The following EXOC4 variants were observed in gnomAD, a reference collection of about 807,000 sequenced individuals.
EXOC4 encodes exocyst complex component 4.
In EXOC4, 71 loss-of-function variants were observed where a neutral mutation model predicts 107.2. That is an observed-to-expected ratio of 0.66 (90% CI 0.55 to 0.81). EXOC4 has a LOEUF of 0.81. EXOC4 is among the 30% of genes least tolerant of loss of function. EXOC4 has a pLI of 0.00. For synonymous variants in EXOC4, 456 were observed against 441.2 expected (o/e 1.03, Z -0.42); for missense variants, 1,108 against 1,189.6 (o/e 0.93, Z 1.01).
chr7:133,464,117 C>T (rs1022653150), intron 7 of EXOC4, among the ~76,000 whole-genome samples: 1 of 152,072 alleles, frequency 6.6e-6, no homozygotes, highest in African/African-American at 2.4e-5. Context: ...ATGTACTAAG[C>T]ATTTTGTATG....
intron 8 of EXOC4, among the ~76,000 whole-genome samples, chr7:133,478,024 A>G (rs1442315401): frequency 6.6e-6 from 1 of 152,176 alleles, no homozygotes; most frequent in Non-Finnish European, 1.5e-5. Context: ...CCCAGATGGA[A>G]TCAGGGCTAT....
intron 9 of EXOC4, among the ~76,000 whole-genome samples, chr7:133,579,139 T>A (rs1801196110): frequency 6.6e-6 from 1 of 152,162 alleles, no homozygotes. Context: ...TGAATATTCA[T>A]GGTCAATTAA....
At chr7:134,072,799 A>G in the EXOC4 span, among the ~76,000 whole-genome samples, 1 of 152,180 alleles carries the variant, frequency 6.6e-6, no homozygotes, top group South Asian at 2.1e-4. Flanking sequence ...ATATATACAT[A>G]ACAAATAATA....
chr7:133,446,789 C>T (rs1044797346), intron 7 of EXOC4, among the ~76,000 whole-genome samples: 8 of 152,096 alleles, frequency 5.3e-5, no homozygotes, highest in Admixed American at 3.9e-4. Flanking sequence ...TAATAACTAC[C>T]GCTGCTTTTT....
chr7:133,578,164 A>T (rs905314952), intron 9 of EXOC4, among the ~76,000 whole-genome samples: 1 of 152,202 alleles, frequency 6.6e-6, no homozygotes, highest in African/African-American at 2.4e-5. Flanking sequence ...TTTCAGGAAG[A>T]GGAGATTATG....
At chr7:133,632,480 C>T (rs1276770534) in intron 10 of EXOC4, among the ~76,000 whole-genome samples, 2 of 152,318 alleles carry the variant, frequency 1.3e-5, no homozygotes, top group East Asian at 3.9e-4. Context: ...TTGTCAAAAA[C>T]TCCTGATTGG....
rs575997675 is a variant in EXOC4, at chr7:133,256,119, C to T, written c.86+2932C>T. Among the ~76,000 whole-genome samples, 9 of 152,080 alleles carry T rather than the reference C, an allele frequency of 5.9e-5. No homozygotes were observed. The East Asian group carries it at 1.7e-3, about 29-fold the overall frequency. On this transcript the variant is annotated intron_variant, in intron 1 of 17. Transcript: ENST00000253861. ...GCCTCAACCTCCCGAGTAGCTGGGA[C>T]TACAGGCATGCGCCACCATACCCGA... is the stretch of plus-strand genomic sequence containing the variant.
intron 10 of EXOC4, among the ~76,000 whole-genome samples, chr7:133,725,503 G>A (rs1384791508): frequency 6.6e-6 from 1 of 152,132 alleles, no homozygotes; most frequent in Non-Finnish European, 1.5e-5. Flanking sequence ...AGCCTCCCGA[G>A]TAGCTGGGAC....
At chr7:134,051,943 G>A (rs558352306) in intron 17 of EXOC4, among the ~76,000 whole-genome samples, 11 of 151,946 alleles carry the variant, frequency 7.2e-5, no homozygotes, top group South Asian at 6.2e-4. Flanking sequence ...CCGAGATCAC[G>A]CCACTGCACT....
At chr7:133,978,877 T>C (rs1793905335) in intron 14 of EXOC4, among the ~76,000 whole-genome samples, 1 of 152,188 alleles carries the variant, frequency 6.6e-6, no homozygotes, top group South Asian at 2.1e-4. Context: ...CCAAAACCCC[T>C]ACTGGCAAGA....
At chr7:133,567,012 C>G (rs1256375928) in intron 9 of EXOC4, among the ~76,000 whole-genome samples, 1 of 152,082 alleles carries the variant, frequency 6.6e-6, no homozygotes, top group Non-Finnish European at 1.5e-5. Flanking sequence ...TTTTTCTTCT[C>G]CTTTTTTAAC....
At chr7:133,792,553 C>CAAAA (rs56408972) in intron 10 of EXOC4, among the ~76,000 whole-genome samples, 7,574 of 67,456 alleles carry the variant, frequency 0.11, 208 homozygotes, top group African/African-American at 0.14. Context: ...ACCCTGTCTC[C>CAAAA]AAAAAAAAAA....
intron 17 of EXOC4, among the ~76,000 whole-genome samples, chr7:134,009,063 A>T (rs1794709950): frequency 6.6e-6 from 1 of 152,178 alleles, no homozygotes; most frequent in Admixed American, 6.6e-5. Flanking sequence ...CTTTAATAAA[A>T]GCTTAAGCAA....
chr7:133,866,540 T>A (rs1451704041), intron 11 of EXOC4, among the ~76,000 whole-genome samples: 1 of 152,184 alleles, frequency 6.6e-6, no homozygotes, highest in African/African-American at 2.4e-5. Context: ...GGGTAGCTAG[T>A]CATTGTAGGC....
chr7:133,552,364 A>C (rs1800607214), intron 9 of EXOC4, among the ~76,000 whole-genome samples: 1 of 152,186 alleles, frequency 6.6e-6, no homozygotes, highest in Non-Finnish European at 1.5e-5. Flanking sequence ...GAAATCATTG[A>C]AGATGTCTTT....
At chr7:134,074,494 C>T in the EXOC4 span, among the ~76,000 whole-genome samples, 8 of 152,216 alleles carry the variant, frequency 5.3e-5, no homozygotes, top group African/African-American at 9.7e-5. Flanking sequence ...CTCAATAACA[C>T]CTGTTGTGGA....
intron 9 of EXOC4, among the ~76,000 whole-genome samples, chr7:133,605,963 G>A (rs62470027): frequency 0.2 from 30,677 of 151,976 alleles, 3,391 homozygotes; most frequent in African/African-American, 0.26. Flanking sequence ...AATCAAGACA[G>A]TATAAGGTCC....
At chr7:134,039,525 A>G (rs1460161033) in intron 17 of EXOC4, among the ~76,000 whole-genome samples, 1 of 152,168 alleles carries the variant, frequency 6.6e-6, no homozygotes, top group Non-Finnish European at 1.5e-5. Context: ...CACACATACT[A>G]ATGCTGAAAT....
chr7:133,338,599 C>CA (rs35420911), intron 5 of EXOC4, among the ~76,000 whole-genome samples: 1,093 of 79,100 alleles, frequency 0.014, 39 homozygotes, highest in Middle Eastern at 0.033. Context: ...GACTCCGTCT[C>CA]AAAAAAAAAA....
Sources: gnomAD v4.1 joint callset for allele counts (sites outside exome capture counted in the v4.1 genomes callset) on GRCh38, gnomAD v4.1.1 for gene constraint, MANE v1.5 for transcripts, NCBI Gene and HGNC (gene_info 2026-07-23, HGNC 2026-07-21) for gene names.